The following MINDY3 variants were observed in gnomAD, a reference collection of about 807,000 sequenced individuals.
MINDY3 encodes ubiquitin carboxyl-terminal hydrolase MINDY-3.
A neutral mutation model predicts 69.2 loss-of-function variants in MINDY3; 38 were observed. That is an observed-to-expected ratio of 0.55 (90% CI 0.42 to 0.72). The LOEUF is 0.72. Ranked by LOEUF, MINDY3 falls within the 30% of genes least tolerant of loss-of-function variation. MINDY3 has a pLI of 0.00. For missense variants in MINDY3, 522 were observed against 519.0 expected (o/e 1.01, Z -0.06); for synonymous variants, 192 against 180.1 (o/e 1.07, Z -0.53).
At chr10:15,851,173 C>G (rs1487729446) in intron 1 of MINDY3, among the ~76,000 whole-genome samples, 1 of 152,186 alleles carries the variant, frequency 6.6e-6, no homozygotes, top group Non-Finnish European at 1.5e-5. Context: ...TCCATGATCA[C>G]TGCTTTTAAG....
chr10:15,805,083 T>C (rs1407228139), intron 10 of MINDY3, among the ~76,000 whole-genome samples: 2 of 152,192 alleles, frequency 1.3e-5, no homozygotes, highest in Non-Finnish European at 2.9e-5. Flanking sequence ...AGATGTCATC[T>C]ACTCTTGTGC....
chr10:15,848,040 A>C (rs934897595), intron 1 of MINDY3, 97 bp from the exon 2 acceptor site: 1 of 926,398 alleles, frequency 1.1e-6, no homozygotes, highest in Non-Finnish European at 1.7e-6. Context: ...ATCACTTATC[A>C]CAACAGCAAA....
At chr10:15,834,169 G>A (rs1488759228) in intron 7 of MINDY3, among the ~76,000 whole-genome samples, 2 of 151,880 alleles carry the variant, frequency 1.3e-5, no homozygotes, top group African/African-American at 4.8e-5. Flanking sequence ...AAAAGCTTGA[G>A]GAGGGTGGTC....
At chr10:15,800,797 T>C (rs977011996) in intron 10 of MINDY3, among the ~76,000 whole-genome samples, 1 of 152,150 alleles carries the variant, frequency 6.6e-6, no homozygotes, top group Admixed American at 6.5e-5. Flanking sequence ...CCTGAAGCCA[T>C]TGCTGCAGCC....
intron 10 of MINDY3, among the ~76,000 whole-genome samples, chr10:15,805,430 C>A (rs1055679801): frequency 6.6e-6 from 1 of 151,924 alleles, no homozygotes; most frequent in Non-Finnish European, 1.5e-5. Flanking sequence ...GATAGAGGTA[C>A]CTGAAAAAAT....
At chr10:15,822,055 A>G (rs928972448) in intron 8 of MINDY3, among the ~76,000 whole-genome samples, 1 of 152,186 alleles carries the variant, frequency 6.6e-6, no homozygotes, top group Non-Finnish European at 1.5e-5. Context: ...AAGAAGAAAA[A>G]GAGACTCAAT....
In MINDY3 at chr10:15,827,056, G is replaced by A. The variant is rs567904010; in HGVS notation, c.731-5330C>T. ...GACCACTGGAGCCCATTTAGAGGCT[G>A]CAGTGAGCTATGACTGCACTACTGC... On this transcript the variant is annotated intron_variant, in intron 8 of 14. Coordinates refer to ENST00000277632, the MANE Select transcript of MINDY3 (RefSeq NM_024948.4). Among the ~76,000 whole-genome samples, 3 of 151,884 alleles carry A rather than the reference G, an allele frequency of 2.0e-5. No homozygotes were observed. The East Asian group carries it at 5.8e-4, about 30-fold the overall frequency.
At chr10:15,802,613 G>A (rs186261902) in intron 10 of MINDY3, among the ~76,000 whole-genome samples, 5 of 152,214 alleles carry the variant, frequency 3.3e-5, no homozygotes, top group Admixed American at 2.0e-4. Flanking sequence ...GCAACTTATT[G>A]GCTGAAGTTA....
rs71493236 is a variant in MINDY3, at chr10:15,860,426, G to A, written c.-127C>T. On this transcript the variant is annotated 5_prime_UTR_variant, in exon 1 of 15. Coordinates refer to ENST00000277632, the MANE Select transcript of MINDY3 (RefSeq NM_024948.4). Reference sequence around the variant, plus strand: ...ACGAATTGGAAGGTGAGGCAGGAAAGAAGAAGGGGCTGAGAGCCACTTGCA... The same window carrying A: ...ACGAATTGGAAGGTGAGGCAGGAAAAAAGAAGGGGCTGAGAGCCACTTGCA... 0.05 allele frequency: 36,971 copies of A among 741,162 alleles called. 1,200 individuals are homozygous for A. The highest frequency in any genetic ancestry group is 0.064 in the Non-Finnish European group (26,972 of 423,766). 45.9% of individuals were successfully genotyped at this position (741,162 alleles called of 1,614,324 possible). A position where few individuals can be genotyped will look rare whatever the true frequency, so the allele number is the denominator to read the frequency against.
intron 13 of MINDY3, among the ~76,000 whole-genome samples, chr10:15,783,592 T>A (rs1836720992): frequency 6.6e-6 from 1 of 152,198 alleles, no homozygotes; most frequent in African/African-American, 2.4e-5. Context: ...ACCTTTATCA[T>A]AACAATTGTC....
chr10:15,857,689 GA>G (rs910398268), intron 1 of MINDY3, among the ~76,000 whole-genome samples: 5 of 151,442 alleles, frequency 3.3e-5, no homozygotes, highest in African/African-American at 7.3e-5. Flanking sequence ...AAAAGAAGAA[GA>G]AAAAAAACAC....
rs568559063 is a variant in MINDY3 at position 15,791,083 on chromosome 10, G to C, written c.956-1764C>G. ...TACAACTCATAAGCACAGATATTCTGAAGTGTAACCATAACTGTACCCGGT... is the reference window on the plus strand; with the variant it reads ...TACAACTCATAAGCACAGATATTCTCAAGTGTAACCATAACTGTACCCGGT... On this transcript the variant is annotated intron_variant, in intron 11 of 14. Transcript: ENST00000277632. Among the ~76,000 whole-genome samples the C allele has an allele frequency of 3.3e-5, 5 of 152,236 alleles. No homozygotes were observed. The South Asian group carries it at 1.0e-3, about 32-fold the overall frequency.
chr10:15,826,592 C>T (rs1221914270), intron 8 of MINDY3, among the ~76,000 whole-genome samples: 1 of 151,986 alleles, frequency 6.6e-6, no homozygotes, highest in African/African-American at 2.4e-5. Flanking sequence ...GAAAGTTCAA[C>T]TGGAATAGAT....
chr10:15,794,337 G>T (rs890588900), intron 11 of MINDY3, among the ~76,000 whole-genome samples: 1 of 152,022 alleles, frequency 6.6e-6, no homozygotes, highest in African/African-American at 2.4e-5. Context: ...AGATTAGTTT[G>T]TAAGTGAAAA....
rs193005305 is a variant in MINDY3 at position 15,780,871 on chromosome 10, T to G, written c.1188+1284A>C. Among the ~76,000 whole-genome samples the G allele has an allele frequency of 2.2e-3, 330 of 152,246 alleles. 2 individuals are homozygous for G. Among genetic ancestry groups the G allele is most frequent in the African/African-American group, 6.6e-3 (276 of 41,548 alleles). On this transcript the variant is annotated intron_variant, in intron 14 of 14. Transcript: ENST00000277632. ...TGGCCAAGCAGACCAAGGACAGGAT[T>G]GGGAATCAGGAACTCAGTTCCAATC...
At chr10:15,828,332 A>T (rs1457005982) in intron 8 of MINDY3, among the ~76,000 whole-genome samples, 2 of 152,226 alleles carry the variant, frequency 1.3e-5, no homozygotes, top group Non-Finnish European at 2.9e-5. Context: ...AAGACCGGAT[A>T]GCGTATGAGT....
intron 8 of MINDY3, among the ~76,000 whole-genome samples, chr10:15,824,673 AAC>A (rs774527932): frequency 2.6e-5 from 4 of 152,210 alleles, no homozygotes; most frequent in African/African-American, 4.8e-5. Flanking sequence ...TACATTGGGA[AAC>A]AGTTTCACAA....
chr10:15,814,731 A>G (rs1468042582), intron 10 of MINDY3, among the ~76,000 whole-genome samples: 1 of 152,150 alleles, frequency 6.6e-6, no homozygotes, highest in Non-Finnish European at 1.5e-5. Flanking sequence ...GGAATTAGAA[A>G]CTGTGTGCTG....
Position 15,782,185 on chromosome 10 carries a change from A to G in MINDY3, c.1158T>C (p.Asn386=). The G allele has an allele frequency of 6.2e-7, 1 of 1,611,086 alleles. No homozygotes were observed. Among genetic ancestry groups the G allele is most frequent in the Non-Finnish European group, 8.5e-7 (1 of 1,178,100 alleles). Residue 386 remains asparagine, a synonymous_variant, in exon 14 of 15, where the codon AAT becomes AAC. Coordinates refer to ENST00000277632, the MANE Select transcript of MINDY3 (RefSeq NM_024948.4). ...CATTATAATTTGACTGCTTCAATCCATTGTAGTGGTAGACAGTAAAAGATT... is the reference window on the plus strand; with the variant it reads ...CATTATAATTTGACTGCTTCAATCCGTTGTAGTGGTAGACAGTAAAAGATT... ...GPESFTVYHY[N]GLKQSNYNEK...
Sources: gnomAD v4.1 joint callset for allele counts (sites outside exome capture counted in the v4.1 genomes callset) on GRCh38, gnomAD v4.1.1 for gene constraint, MANE v1.5 for transcripts, NCBI Gene and HGNC (gene_info 2026-07-23, HGNC 2026-07-21) for gene names.